Variants in HTR7 observed in about 807,000 individuals in gnomAD.
The protein encoded by HTR7 is 5-HT-7.
In HTR7, 16 loss-of-function variants were observed where a neutral mutation model predicts 34.0. That is an observed-to-expected ratio of 0.47 (90% CI 0.32 to 0.71). The LOEUF (loss-of-function observed/expected upper bound fraction) is 0.71. HTR7 is among the 30% of genes least tolerant of loss of function. The pLI is 0.04. For missense variants in HTR7, 504 were observed against 625.5 expected, an observed-to-expected ratio of 0.81 and a Z score of 2.07; for synonymous variants, 265 against 260.2, an observed-to-expected ratio of 1.02 and a Z score of -0.18.
intron 1 of HTR7, among the ~76,000 whole-genome samples, chr10:90,803,863 G>A (rs1845665777): frequency 1.3e-5 from 2 of 152,128 alleles, no homozygotes; most frequent in Non-Finnish European, 2.9e-5. Context: ...AGAGTCCCTG[G>A]CAAGGGTTCC....
At chr10:90,787,048 T>G (rs1198000337) in intron 1 of HTR7, among the ~76,000 whole-genome samples, 3 of 152,216 alleles carry the variant, frequency 2.0e-5, no homozygotes, top group African/African-American at 7.2e-5. Flanking sequence ...AGAAAGCTTC[T>G]GAGCTCCTGT....
At chr10:90,757,458 G>T (rs997116926) in intron 1 of HTR7, among the ~76,000 whole-genome samples, 8 of 152,200 alleles carry the variant, frequency 5.3e-5, no homozygotes. Context: ...AGCTTAGCGG[G>T]ATGTTGTCTG....
intron 1 of HTR7, among the ~76,000 whole-genome samples, chr10:90,823,840 C>T (rs1564694608): frequency 6.6e-6 from 1 of 152,150 alleles, no homozygotes; most frequent in Non-Finnish European, 1.5e-5. Flanking sequence ...AAGTGTGTAG[C>T]ACCTCCCCTT....
chr10:90,762,815 G>A (rs1844961239), intron 1 of HTR7, among the ~76,000 whole-genome samples: 2 of 152,136 alleles, frequency 1.3e-5, no homozygotes, highest in Admixed American at 6.5e-5. Flanking sequence ...TTTTGGGAGT[G>A]GTGTAAGATA....
intron 1 of HTR7, among the ~76,000 whole-genome samples, chr10:90,851,064 C>A (rs769865115): frequency 2.6e-5 from 4 of 151,830 alleles, no homozygotes; most frequent in Non-Finnish European, 5.9e-5. Context: ...ACAATAACAA[C>A]AAAAAAATCA....
intron 1 of HTR7, among the ~76,000 whole-genome samples, chr10:90,770,139 C>T (rs1845084640): frequency 2.0e-5 from 3 of 152,352 alleles, no homozygotes; most frequent in Non-Finnish European, 4.4e-5. Context: ...TTCTAGCATA[C>T]CGCACCTGCG....
At position 90,767,345 on chromosome 10, in the gene HTR7, T is replaced by C. The variant is rs76784439; in HGVS notation, c.540-17751A>G. Among the ~76,000 whole-genome samples, 1,163 of 152,350 alleles carry C rather than the reference T, an allele frequency of 7.6e-3. 7 individuals are homozygous for C. Among genetic ancestry groups the C allele is most frequent in the African/African-American group, 0.026 (1,082 of 41,586 alleles). ...TCTTTATATAAATCTCTTCATGAAC[T>C]TGGCAAGTTTGGAATTAACAGCTGA... On this transcript the variant is annotated intron_variant, in intron 1 of 3. Transcript: ENST00000336152.
intron 1 of HTR7, among the ~76,000 whole-genome samples, chr10:90,847,967 ACCACTC>A (rs1449188864): frequency 6.6e-6 from 1 of 151,470 alleles, no homozygotes; most frequent in Non-Finnish European, 1.5e-5. Context: ...TTGTGTAATT[ACCACTC>A]CAGTCAAGAA....
chr10:90,832,543 C>T (rs1386335696), intron 1 of HTR7, among the ~76,000 whole-genome samples: 3 of 152,200 alleles, frequency 2.0e-5, no homozygotes, highest in Admixed American at 2.0e-4. Flanking sequence ...GCCCCGGTTC[C>T]CGCTCGTGCC....
At chr10:90,817,877 T>C (rs1845920849) in intron 1 of HTR7, among the ~76,000 whole-genome samples, 2 of 152,200 alleles carry the variant, frequency 1.3e-5, no homozygotes, top group Non-Finnish European at 2.9e-5. Context: ...TAAAACAATC[T>C]ATTCAGAAAA....
At chr10:90,812,538 A>T (rs1017573192) in intron 1 of HTR7, among the ~76,000 whole-genome samples, 39 of 152,178 alleles carry the variant, frequency 2.6e-4, no homozygotes, top group Non-Finnish European at 5.3e-4. Flanking sequence ...TAGTTTTTCA[A>T]TTCATACAAA....
intron 1 of HTR7, among the ~76,000 whole-genome samples, chr10:90,814,450 C>T (rs1845867504): frequency 1.3e-5 from 2 of 152,324 alleles, no homozygotes; most frequent in African/African-American, 4.8e-5. Flanking sequence ...GCTGTTTCAG[C>T]TTCCCCTCAT....
intron 1 of HTR7, among the ~76,000 whole-genome samples, chr10:90,814,813 A>C (rs757528676): frequency 1.3e-5 from 2 of 152,230 alleles, no homozygotes; most frequent in Non-Finnish European, 2.9e-5. Flanking sequence ...AAGGGCCCCA[A>C]ACCTTTTTAT....
At chr10:90,806,380 C>T (rs4350278) in intron 1 of HTR7, among the ~76,000 whole-genome samples, 2 of 151,856 alleles carry the variant, frequency 1.3e-5, no homozygotes, top group Non-Finnish European at 2.9e-5. Context: ...GGGCGGATCA[C>T]GAGGTCAGGA....
At chr10:90,744,889 G>A (rs1844610496) in intron 2 of HTR7, among the ~76,000 whole-genome samples, 1 of 152,142 alleles carries the variant, frequency 6.6e-6, no homozygotes, top group East Asian at 1.9e-4. Context: ...TCAGCCAGAT[G>A]GTCCTTTGTA....
At chr10:90,800,109 C>G (rs1254724469) in intron 1 of HTR7, among the ~76,000 whole-genome samples, 2 of 152,166 alleles carry the variant, frequency 1.3e-5, no homozygotes, top group Non-Finnish European at 2.9e-5. Flanking sequence ...AACAGAAATT[C>G]TACACACTCA....
intron 3 of HTR7, 112 bp downstream of exon 3, chr10:90,743,481 A>G: frequency 1.2e-6 from 1 of 857,694 alleles, no homozygotes; most frequent in South Asian, 1.5e-5. Context: ...TTCCCAGCAC[A>G]GGAGAGACAG....
At chr10:90,754,687 G>T (rs1844806006) in intron 1 of HTR7, among the ~76,000 whole-genome samples, 1 of 152,186 alleles carries the variant, frequency 6.6e-6, no homozygotes, top group African/African-American at 2.4e-5. Context: ...CATAGAGAGG[G>T]ATCGGAAGTA....
At chr10:90,806,625 A>G (rs1397809705) in intron 1 of HTR7, among the ~76,000 whole-genome samples, 1 of 151,846 alleles carries the variant, frequency 6.6e-6, no homozygotes. Context: ...AAAAATTTAA[A>G]AAATAAAAAA....
Sources: allele counts gnomAD v4.1 joint callset (sites outside exome capture counted in the v4.1 genomes callset), GRCh38; gene constraint gnomAD v4.1.1; transcripts MANE v1.5; gene names NCBI Gene and HGNC (gene_info 2026-07-23, HGNC 2026-07-21).